CLEC16A: variants seen among roughly 807,000 people sequenced by gnomAD.
The protein encoded by CLEC16A is C-type lectin domain containing 16A.
A neutral mutation model predicts 109.5 loss-of-function variants in CLEC16A; 51 were observed. That is an observed-to-expected ratio of 0.47 (90% CI 0.37 to 0.59). The LOEUF (loss-of-function observed/expected upper bound fraction) is 0.59, where lower values mean the gene tolerates loss of function less well. Ranked by LOEUF, CLEC16A falls within the 20% of genes least tolerant of loss-of-function variation. The pLI, the probability that CLEC16A is intolerant of heterozygous loss-of-function variation, is 0.00. For missense variants in CLEC16A, 1,339 were observed against 1,394.0 expected, an observed-to-expected ratio of 0.96 and a Z score of 0.63; for synonymous variants, 673 against 564.2, an observed-to-expected ratio of 1.19 and a Z score of -2.73.
At chr16:11,146,773 G>A (rs1373917903) in intron 22 of CLEC16A, among the ~76,000 whole-genome samples, 1 of 151,674 alleles carries the variant, frequency 6.6e-6, no homozygotes, top group African/African-American at 2.4e-5. Flanking sequence ...AGGGAGGGAG[G>A]GAGAGAGGGA....
chr16:11,157,146 C>T, intron 22 of CLEC16A: 1 of 1,272,586 alleles, frequency 7.9e-7, no homozygotes, highest in Non-Finnish European at 1.0e-6. Context: ...CTAAAAGACT[C>T]TGCAAGTTCC....
At chr16:11,033,592 T>C (rs1366088524) in intron 13 of CLEC16A, among the ~76,000 whole-genome samples, 2 of 152,156 alleles carry the variant, frequency 1.3e-5, no homozygotes, top group Non-Finnish European at 1.5e-5. Flanking sequence ...CAGCAGCTGA[T>C]CAGGCTGCAC....
intron 11 of CLEC16A, among the ~76,000 whole-genome samples, chr16:11,016,181 C>T (rs904446856): frequency 1.4e-5 from 2 of 146,878 alleles, no homozygotes; most frequent in African/African-American, 5.0e-5. Context: ...CCTAGGGAAT[C>T]ATCTTGCATG....
intron 11 of CLEC16A, among the ~76,000 whole-genome samples, chr16:11,016,668 G>C (rs1002764020): frequency 9.2e-5 from 14 of 152,262 alleles, no homozygotes; most frequent in African/African-American, 2.9e-4. Flanking sequence ...TCTGTGTACT[G>C]TTTGCTCTGC....
intron 22 of CLEC16A, among the ~76,000 whole-genome samples, chr16:11,158,787 G>A (rs2054619743): frequency 6.6e-6 from 1 of 152,156 alleles, no homozygotes; most frequent in Non-Finnish European, 1.5e-5. Flanking sequence ...GGGCATGGTG[G>A]TGCATGCCTG....
Position 11,174,844 on chromosome 16 carries a change from T to A in CLEC16A, c.2807-3491T>A, listed in dbSNP as rs1407362930. Among the ~76,000 whole-genome samples the A allele has an allele frequency of 2.0e-5, 3 of 152,184 alleles. No homozygotes were observed. The highest frequency in any genetic ancestry group is 2.9e-5 in the Non-Finnish European group (2 of 68,008). ...CATGGATGGATGTGGCCCCACCATCTCCCTTTCTGAGTGGCACCCACACAG... is the reference window on the plus strand; with the variant it reads ...CATGGATGGATGTGGCCCCACCATCACCCTTTCTGAGTGGCACCCACACAG... On this transcript the variant is annotated intron_variant, in intron 23 of 23. Coordinates refer to ENST00000409790, the MANE Select transcript of CLEC16A (RefSeq NM_015226.3). This position sits in a 1 kb window ranked among gnomAD's most constrained non-coding sequence, Gnocchi z 4.7.
chr16:10,947,168 T>C (rs2041427964), intron 1 of CLEC16A, among the ~76,000 whole-genome samples: 1 of 152,230 alleles, frequency 6.6e-6, no homozygotes, highest in African/African-American at 2.4e-5. Context: ...TAATCCATAT[T>C]ACAGCCCCAA....
intron 11 of CLEC16A, among the ~76,000 whole-genome samples, chr16:11,006,653 A>T (rs2045036628): frequency 6.6e-6 from 1 of 152,246 alleles, no homozygotes; most frequent in Admixed American, 6.5e-5. Context: ...GCATGTGGTC[A>T]CGAGGCACAG....
chr16:11,120,654 A>T lies in CLEC16A; in HGVS notation c.2156A>T (p.Asp719Val), dbSNP rs975267974. The change falls in exon 20 of 24, where the codon GAT becomes GTT. Residue 719 changes from aspartate to valine, a missense_variant. By Grantham distance (152) the Asp-to-Val change is radical. Coordinates refer to ENST00000409790, the MANE Select transcript of CLEC16A (RefSeq NM_015226.3). ...ATTGCATGTACAGTGATCACCAAGG[A>T]TGGCGGCATGGTCCAGCGATTCCTG... is the stretch of plus-strand genomic sequence containing the variant. ...DLIACTVITK[D>V]GGMVQRFLAV... is the part of the protein sequence containing the mutation. The T allele has an allele frequency of 6.2e-7, 1 of 1,613,286 alleles. No individual in the cohort carries two copies. The highest frequency in any genetic ancestry group is 8.5e-7 in the Non-Finnish European group (1 of 1,179,578).
chr16:11,066,615 T>C (rs1344841356), intron 19 of CLEC16A: 1 of 152,230 alleles, frequency 6.6e-6, no homozygotes, highest in Non-Finnish European at 1.5e-5. Flanking sequence ...GATATTCTGT[T>C]GTCTGAGACT....
At chr16:11,167,661 G>GT (rs1467023534) in intron 23 of CLEC16A, among the ~76,000 whole-genome samples, 1 of 152,118 alleles carries the variant, frequency 6.6e-6, no homozygotes, top group Non-Finnish European at 1.5e-5. Context: ...CACACACAAT[G>GT]TTACCTGCAC....
At chr16:11,052,113 T>C (rs1004169815) in intron 18 of CLEC16A, among the ~76,000 whole-genome samples, 12 of 152,186 alleles carry the variant, frequency 7.9e-5, no homozygotes, top group Non-Finnish European at 1.3e-4. Context: ...AGGACAGATA[T>C]GTGTGAAAAG....
intron 11 of CLEC16A, among the ~76,000 whole-genome samples, chr16:11,004,939 T>TA (rs1387383305): frequency 1.3e-5 from 2 of 152,266 alleles, no homozygotes; most frequent in African/African-American, 4.8e-5. Flanking sequence ...CTAATTTGCT[T>TA]ATTGGGGTCA....
chr16:11,035,453 G>A (rs2046967206), intron 13 of CLEC16A, among the ~76,000 whole-genome samples: 4 of 152,162 alleles, frequency 2.6e-5, no homozygotes, highest in Admixed American at 2.6e-4. Context: ...ACATAGCTTG[G>A]GAAGGTGGAG....
At chr16:10,990,823 G>T (rs771581712) in intron 10 of CLEC16A, among the ~76,000 whole-genome samples, 1 of 152,190 alleles carries the variant, frequency 6.6e-6, no homozygotes, top group Non-Finnish European at 1.5e-5. Flanking sequence ...AAAATTGAGG[G>T]TGAGGACAGA....
rs1054465573 is a variant in CLEC16A at position 10,961,791 on chromosome 16, C to CT, written c.210-658dup. Reference sequence around the variant, plus strand: ...CCCCAGCCTCCTCTGTTCCGTGACTCTTTTTTAGTCTTCTGTTGTTTTTAC... The same window carrying CT: ...CCCCAGCCTCCTCTGTTCCGTGACTCTTTTTTTAGTCTTCTGTTGTTTTTAC... On this transcript the variant is annotated intron_variant, in intron 2 of 23. Transcript: ENST00000409790. The surrounding 1 kb of genome is among the most constrained non-coding windows in gnomAD (Gnocchi z 4.3). 6.6e-6 allele frequency among the ~76,000 whole-genome samples: 1 copy of CT among 152,102 alleles called. No homozygotes were observed. Among genetic ancestry groups the CT allele is most frequent in the Non-Finnish European group, 1.5e-5 (1 of 68,018 alleles).
chr16:11,054,546 T>C (rs1186895584), intron 18 of CLEC16A, among the ~76,000 whole-genome samples: 1 of 152,182 alleles, frequency 6.6e-6, no homozygotes, highest in Non-Finnish European at 1.5e-5. Flanking sequence ...TCTTTGCCTG[T>C]CTGACAAGTT....
intron 12 of CLEC16A, among the ~76,000 whole-genome samples, chr16:11,023,250 G>A (rs754007127): frequency 1.3e-5 from 2 of 151,710 alleles, no homozygotes; most frequent in Non-Finnish European, 2.9e-5. Context: ...TCTACCCTGC[G>A]TAAACAAAAC....
chr16:11,180,743 C>T lies in CLEC16A; in HGVS notation c.*2053C>T, dbSNP rs907938751. The T allele has an allele frequency of 6.6e-6, 1 of 152,322 alleles. No homozygotes were observed. The highest frequency in any genetic ancestry group is 6.5e-5 in the Admixed American group (1 of 15,286). The allele number at this position is 152,322 out of a possible 1,614,324, so 9.4% of individuals were successfully genotyped here. A position where few individuals can be genotyped will look rare whatever the true frequency, so the allele number is the denominator to read the frequency against. The stretch of plus-strand genomic sequence containing the variant: ...CCCAAGGCGTGACCAGGAGGAACAG[C>T]CTGCAGCTCACTCCATGCCACACGG... On this transcript the variant is annotated 3_prime_UTR_variant, in exon 24 of 24. Coordinates refer to ENST00000409790, the MANE Select transcript of CLEC16A (RefSeq NM_015226.3).
Sources: allele counts gnomAD v4.1 joint callset (sites outside exome capture counted in the v4.1 genomes callset), GRCh38; gene constraint gnomAD v4.1.1; non-coding constraint Gnocchi (gnomAD v3.1); transcripts MANE v1.5; gene names NCBI Gene and HGNC (gene_info 2026-07-23, HGNC 2026-07-21).